ANKAR: variants seen among roughly 807,000 people sequenced by gnomAD.
The protein encoded by ANKAR is ankyrin and armadillo repeat containing.
A neutral mutation model predicts 146.2 loss-of-function variants in ANKAR; 136 were observed. The observed-to-expected ratio is 0.93, with a 90% CI of 0.81 to 1.07. The LOEUF (loss-of-function observed/expected upper bound fraction) is 1.07, where lower values mean the gene tolerates loss of function less well. ANKAR is among the 50% of genes least tolerant of loss of function. The probability of loss-of-function intolerance (pLI) is 0.00; values close to 1 mark genes in which losing one functional copy is unlikely to be tolerated. For missense variants in ANKAR, 1,567 were observed against 1,679.9 expected (o/e 0.93, Z 1.18); for synonymous variants, 500 against 575.8 (o/e 0.87, Z 1.88).
At chr2:189,721,102 C>G (rs1369220408) in intron 12 of ANKAR, among the ~76,000 whole-genome samples, 1 of 152,146 alleles carries the variant, frequency 6.6e-6, no homozygotes. Context: ...ATTCTTCTGT[C>G]TTAGCCTCCT....
chr2:189,693,565 A>G (rs187035861), intron 5 of ANKAR, among the ~76,000 whole-genome samples: 1 of 152,300 alleles, frequency 6.6e-6, no homozygotes, highest in East Asian at 1.9e-4. Context: ...ATTAGAGGCA[A>G]AGATTTAAAA....
chr2:189,688,384 A>G (rs2035910223), intron 2 of ANKAR, among the ~76,000 whole-genome samples: 1 of 152,226 alleles, frequency 6.6e-6, no homozygotes, highest in African/African-American at 2.4e-5. Flanking sequence ...CTTTGAAGTC[A>G]GGTAATGTAA....
chr2:189,749,858 A>C (rs1355729333), downstream of ANKAR, among the ~76,000 whole-genome samples: 4 of 152,220 alleles, frequency 2.6e-5, 1 homozygote, highest in African/African-American at 7.2e-5. Context: ...TCTCTTGAGC[A>C]CATCTGTAAT....
intron 17 of ANKAR, among the ~76,000 whole-genome samples, chr2:189,736,831 G>C (rs1386514514): frequency 1.3e-5 from 2 of 151,946 alleles, no homozygotes; most frequent in Non-Finnish European, 2.9e-5. Context: ...CCAGCACTTT[G>C]GGAGGCCAAG....
intron 2 of ANKAR, among the ~76,000 whole-genome samples, chr2:189,684,195 A>C (rs2035177321): frequency 6.6e-6 from 1 of 152,140 alleles, no homozygotes; most frequent in Admixed American, 6.5e-5. Flanking sequence ...ACAAGCGAGT[A>C]ATGTGAGTTG....
rs145396294 is a variant in ANKAR, at chr2:189,692,575, T to C, written c.1203+157T>C. ...TTTTCATACATTATTTTAACATCAA[T>C]GAATTAAGTGCAGATATATGTAAGG... On this transcript the variant is annotated intron_variant, in intron 4 of 22. Coordinates refer to ENST00000684021, the MANE Select transcript of ANKAR (RefSeq NM_001378068.1). 4.9e-4 allele frequency: 303 copies of C among 620,886 alleles called. 1 individual carries two copies. The African/African-American group carries it at 5.2e-3, about 11-fold the overall frequency. 38.5% of individuals were successfully genotyped at this position (620,886 alleles called of 1,614,324 possible). A position where few individuals can be genotyped will look rare whatever the true frequency, so the allele number is the denominator to read the frequency against.
rs139984530 is a variant in ANKAR, at chr2:189,697,352, A to G, written c.1708+983A>G. On this transcript the variant is annotated intron_variant, in intron 7 of 22. Coordinates refer to ENST00000684021, the MANE Select transcript of ANKAR (RefSeq NM_001378068.1). ...AGTTTGAGGTTACACATATATATGT[A>G]CATATATATGTAAATTGTCAGGAAT... Among the ~76,000 whole-genome samples the G allele has an allele frequency of 3.3e-3, 495 of 152,224 alleles. 3 individuals are homozygous for G. The highest frequency in any genetic ancestry group is 6.6e-3 in the South Asian group (32 of 4,824).
chr2:189,751,775 AAC>A (rs2045288608), intron 18 of ANKAR, among the ~76,000 whole-genome samples: 1 of 151,982 alleles, frequency 6.6e-6, no homozygotes, highest in Non-Finnish European at 1.5e-5. Flanking sequence ...CATCAGATGA[AAC>A]AGTGTTCAAA....
At chr2:189,695,740 G>A (rs1574437105) in intron 6 of ANKAR, among the ~76,000 whole-genome samples, 1 of 152,192 alleles carries the variant, frequency 6.6e-6, no homozygotes, top group South Asian at 2.1e-4. Context: ...AAATTTGTTA[G>A]TTGAATTTTT....
At chr2:189,738,495 T>A in intron 18 of ANKAR, 70 bp from the exon 19 acceptor site, 3 of 924,168 alleles carry the variant, frequency 3.2e-6, no homozygotes, top group Admixed American at 2.4e-5. Flanking sequence ...ACATAAAAAA[T>A]GACAAACGTG....
intron 8 of ANKAR, among the ~76,000 whole-genome samples, chr2:189,706,082 A>ACCAT (rs2038900794): frequency 1.3e-5 from 2 of 151,580 alleles, no homozygotes; most frequent in African/African-American, 4.8e-5. Flanking sequence ...TCCTGCTTTC[A>ACCAT]CCATCATGTC....
downstream of ANKAR, chr2:189,763,001 G>C (rs570787910): frequency 2.0e-6 from 2 of 985,332 alleles, no homozygotes; most frequent in East Asian, 1.1e-4. Flanking sequence ...AGGTTTGTCT[G>C]ACTACACAAC....
At chr2:189,696,091 T>C (rs77445225) in intron 6 of ANKAR, 59 bp from the exon 7 acceptor site, 53,983 of 1,499,876 alleles carry the variant, frequency 0.036, 1,205 homozygotes, top group Admixed American at 0.055. Flanking sequence ...TGTATTTTTT[T>C]CCTTAAACCA....
downstream of ANKAR, among the ~76,000 whole-genome samples, chr2:189,751,490 G>C (rs1219881772): frequency 6.7e-6 from 1 of 150,106 alleles, no homozygotes; most frequent in Admixed American, 6.6e-5. Context: ...TGTCACCCGG[G>C]CTGGAGTGCA....
rs1328958790 is a variant in ANKAR, at chr2:189,744,873, G to A, written c.4057+85G>A. 4 of 1,112,442 alleles carry A rather than the reference G, an allele frequency of 3.6e-6. No homozygotes were observed. In the South Asian group the frequency reaches 5.3e-5, roughly 15 times the overall value. 68.9% of individuals were successfully genotyped at this position (1,112,442 alleles called of 1,614,324 possible). ...TATTCCATCTCTAAAAATTCAAAAT[G>A]TAGGCCGGGCACAGTGGCTCATGCC... On this transcript the variant is annotated intron_variant, in intron 22 of 22. Transcript: ENST00000684021.
chr2:189,738,833 GC>G, intron 19 of ANKAR, 151 bp downstream of exon 19: 1 of 523,092 alleles, frequency 1.9e-6, no homozygotes. Context: ...GAACTCCACA[GC>G]AAGTCTACAC....
chr2:189,738,366 A>G (rs548879989), intron 18 of ANKAR, among the ~76,000 whole-genome samples, 199 bp from the exon 19 acceptor site: 3 of 152,214 alleles, frequency 2.0e-5, no homozygotes, highest in East Asian at 3.9e-4. Context: ...AGTACCCCCT[A>G]TGATCACTGC....
chr2:189,752,857 C>A (rs1262264684), intron 18 of ANKAR: 1 of 1,613,468 alleles, frequency 6.2e-7, no homozygotes, highest in African/African-American at 1.3e-5. Flanking sequence ...ACCATGCAAT[C>A]ATAATGCCAT....
intron 22 of ANKAR, among the ~76,000 whole-genome samples, chr2:189,745,030 A>ACTACTACTACTAC (rs1380926394): frequency 0.13 from 8,319 of 64,852 alleles, 345 homozygotes; most frequent in Non-Finnish European, 0.18. Flanking sequence ...ACTACTACTA[A>ACTACTACTACTAC]TAATACAAAA....
Sources: gnomAD v4.1 joint callset for allele counts (sites outside exome capture counted in the v4.1 genomes callset) on GRCh38, gnomAD v4.1.1 for gene constraint, MANE v1.5 for transcripts, NCBI Gene and HGNC (gene_info 2026-07-23, HGNC 2026-07-21) for gene names.